BRIP1: variants seen among roughly 807,000 people sequenced by gnomAD.
BRIP1 encodes Fanconi anemia group J protein.
In BRIP1, 88 loss-of-function variants were observed where a neutral mutation model predicts 119.7. The ratio of observed to expected loss-of-function variants is 0.74; its 90% CI spans 0.62 to 0.88. The LOEUF is 0.88. Among genes scored for constraint, BRIP1 ranks in the 40% least tolerant of loss-of-function variants. The pLI is 0.00. For missense variants in BRIP1, 1,259 were observed against 1,455.4 expected (o/e 0.87, Z 2.20); for synonymous variants, 443 against 496.5 (o/e 0.89, Z 1.43).
chr17:61,685,444 A>G (rs2144103850), intron 19 of BRIP1: 1 of 203,538 alleles, frequency 4.9e-6, no homozygotes, highest in Non-Finnish European at 9.8e-6. Flanking sequence ...CCAAATTTTT[A>G]TATAGCCTTT....
rs2145786706 is a variant in BRIP1 at position 61,851,578 on chromosome 17, T to C, written c.380-2322A>G. On this transcript the variant is annotated intron_variant, in intron 4 of 19. Transcript: ENST00000259008. The surrounding 1 kb of genome is among the most constrained non-coding windows in gnomAD (Gnocchi z 4.6). ...TAAAAATATCAAGTTTCTGGATACA[T>C]GTGGGACCAAATTAGGGTTCTCTAT... Among the ~76,000 whole-genome samples the C allele has an allele frequency of 6.6e-6, 1 of 152,252 alleles. No homozygotes were observed.
In BRIP1 at chr17:61,683,074, T is replaced by G; in HGVS notation, c.*222A>C. ...TTGAACCTGGAGGTGAAGGTTGCAGTGAGCCCAGAGCACACCACTGCATTC... is the reference window on the plus strand; with the variant it reads ...TTGAACCTGGAGGTGAAGGTTGCAGGGAGCCCAGAGCACACCACTGCATTC... On this transcript the variant is annotated 3_prime_UTR_variant, in exon 20 of 20. Transcript: ENST00000259008. This position sits in a 1 kb window ranked among gnomAD's most constrained non-coding sequence, Gnocchi z 4.7. 1 of 495,616 alleles carries G rather than the reference T, an allele frequency of 2.0e-6. No individual in the cohort carries two copies. The highest frequency in any genetic ancestry group is 2.4e-5 in the South Asian group (1 of 40,994). 30.7% of individuals were successfully genotyped at this position (495,616 alleles called of 1,614,324 possible). A position where few individuals can be genotyped will look rare whatever the true frequency, so the allele number is the denominator to read the frequency against.
chr17:61,710,013 TA>T lies in BRIP1; in HGVS notation c.2492+5937del, dbSNP rs1445588970. The stretch of plus-strand genomic sequence containing the variant: ...AATATACATTATGAGTTTTATTAAA[TA>T]ACATAAAACATTTGCTTGGTCTTTA... On this transcript the variant is annotated intron_variant, in intron 17 of 19. Coordinates refer to ENST00000259008, the MANE Select transcript of BRIP1 (RefSeq NM_032043.3). This position sits in a 1 kb window ranked among gnomAD's most constrained non-coding sequence, Gnocchi z 5.4. Among the ~76,000 whole-genome samples, 2 of 152,168 alleles carry T rather than the reference TA, an allele frequency of 1.3e-5. No homozygotes were observed. Among genetic ancestry groups the T allele is most frequent in the African/African-American group, 4.8e-5 (2 of 41,452 alleles).
rs1567824994 is a variant in BRIP1, at chr17:61,793,600, C to A, written c.1470G>T (p.Leu490Phe). ...MGITTATFPI[L>F]QGHFSAVLQK... The stretch of plus-strand genomic sequence containing the variant: ...ACAGGTAGAAAAAATATCTTACCTG[C>A]AAAATGGGAAAAGTAGCAGTGGTGA... Residue 490 changes from leucine to phenylalanine, a missense_variant, in exon 10 of 20, where the codon TTG becomes TTT. Around this residue, in one of 3 missense-constraint regions of BRIP1, gnomAD observed 753 missense variants for 891.8 expected, o/e 0.84. Coordinates refer to ENST00000259008, the MANE Select transcript of BRIP1 (RefSeq NM_032043.3). This position sits in a 1 kb window ranked among gnomAD's most constrained non-coding sequence, Gnocchi z 5.2. 6.2e-7 allele frequency: 1 copy of A among 1,604,030 alleles called. No homozygotes were observed.
At chr17:61,727,070 T>A (rs1488609479) in intron 16 of BRIP1, among the ~76,000 whole-genome samples, 2 of 152,170 alleles carry the variant, frequency 1.3e-5, no homozygotes, top group African/African-American at 4.8e-5. Flanking sequence ...TAAGAGGATT[T>A]AATAAGGGGA....
chr17:61,816,094 A>G lies in BRIP1; in HGVS notation c.628-7337T>C, dbSNP rs537842496. ...AGCAGCTGTTTATCCACTCACAGCA[A>G]CCAGCAGGTGAACCTGATTCAATAT... is the stretch of plus-strand genomic sequence containing the variant. On this transcript the variant is annotated intron_variant, in intron 6 of 19. Coordinates refer to ENST00000259008, the MANE Select transcript of BRIP1 (RefSeq NM_032043.3). The surrounding 1 kb of genome is among the most constrained non-coding windows in gnomAD (Gnocchi z 5.0). 2.1e-3 allele frequency among the ~76,000 whole-genome samples: 318 copies of G among 152,350 alleles called. 3 individuals carry two copies. The highest frequency in any genetic ancestry group is 7.4e-3 in the African/African-American group (309 of 41,588).
At chr17:61,698,684 ATATT>A (rs2061563844) in intron 17 of BRIP1, among the ~76,000 whole-genome samples, 1 of 151,694 alleles carries the variant, frequency 6.6e-6, no homozygotes, top group Non-Finnish European at 1.5e-5. Flanking sequence ...TTATAATTGC[ATATT>A]TAGACTTGTT....
In BRIP1 at chr17:61,798,696, T is replaced by A. The variant is rs1223025524; in HGVS notation, c.1340+404A>T. Among the ~76,000 whole-genome samples, 1 of 152,034 alleles carries A rather than the reference T, an allele frequency of 6.6e-6. No homozygotes were observed. The highest frequency in any genetic ancestry group is 1.5e-5 in the Non-Finnish European group (1 of 67,950). The stretch of plus-strand genomic sequence containing the variant: ...AATATATTATTTTAGAGTACTGAAA[T>A]CTTGATTAATTAAAACCCATGAAAC... On this transcript the variant is annotated intron_variant, in intron 9 of 19. Transcript: ENST00000259008. The surrounding 1 kb of genome is among the most constrained non-coding windows in gnomAD (Gnocchi z 5.5).
At position 61,856,996 on chromosome 17, in the gene BRIP1, T is replaced by G; in HGVS notation, c.379+62A>C. On this transcript the variant is annotated intron_variant, in intron 4 of 19. Transcript: ENST00000259008. This position sits in a 1 kb window ranked among gnomAD's most constrained non-coding sequence, Gnocchi z 5.1. ...CCAAACTTATATAAATTAGGGCTTA[T>G]AACAGTAATAATTAAGACTCTTATT... The G allele has an allele frequency of 6.7e-7, 1 of 1,486,970 alleles. No homozygotes were observed. Among genetic ancestry groups the G allele is most frequent in the Non-Finnish European group, 9.4e-7 (1 of 1,064,810 alleles). 92.1% of individuals were successfully genotyped at this position (1,486,970 alleles called of 1,614,324 possible). A position where few individuals can be genotyped will look rare whatever the true frequency, so the allele number is the denominator to read the frequency against.
chr17:61,790,862 A>G (rs1320906241), intron 10 of BRIP1, among the ~76,000 whole-genome samples: 2 of 151,948 alleles, frequency 1.3e-5, no homozygotes, highest in Non-Finnish European at 2.9e-5. Context: ...CCTGGGCTCA[A>G]GCAATCCGCC....
rs1323113132 is a variant in BRIP1 at position 61,795,930 on chromosome 17, T to C, written c.1341-2201A>G. 6.6e-5 allele frequency among the ~76,000 whole-genome samples: 10 copies of C among 152,264 alleles called. No homozygotes were observed. The East Asian group carries it at 1.9e-3, about 29-fold the overall frequency. The stretch of plus-strand genomic sequence containing the variant: ...TTGCCAGCATTTGTTATTGCCTGTC[T>C]TTTGCATAAAAGTCATTTTAACTGG... On this transcript the variant is annotated intron_variant, in intron 9 of 19. Coordinates refer to ENST00000259008, the MANE Select transcript of BRIP1 (RefSeq NM_032043.3). The surrounding 1 kb of genome is among the most constrained non-coding windows in gnomAD (Gnocchi z 5.6).
chr17:61,714,566 T>C (rs1009375866), intron 17 of BRIP1, among the ~76,000 whole-genome samples: 11 of 152,192 alleles, frequency 7.2e-5, no homozygotes, highest in Non-Finnish European at 1.2e-4. Flanking sequence ...AAGTACATTT[T>C]ATAATGTTCC....
rs2145022481 is a variant in BRIP1 at position 61,776,315 on chromosome 17, A to T, written c.2097+86T>A. On this transcript the variant is annotated intron_variant, in intron 14 of 19. Coordinates refer to ENST00000259008, the MANE Select transcript of BRIP1 (RefSeq NM_032043.3). This position sits in a 1 kb window ranked among gnomAD's most constrained non-coding sequence, Gnocchi z 5.0. ...TTGTTGCCTCTACCCTAGGAAGCTT[A>T]CTGTGGTAATTTTAAAATTAGCATG... is the stretch of plus-strand genomic sequence containing the variant. 1 of 1,468,410 alleles carries T rather than the reference A, an allele frequency of 6.8e-7. No individual in the cohort carries two copies. Among genetic ancestry groups the T allele is most frequent in the Non-Finnish European group, 9.5e-7 (1 of 1,049,934 alleles). 91.0% of individuals were successfully genotyped at this position (1,468,410 alleles called of 1,614,324 possible).
At position 61,842,559 on chromosome 17, in the gene BRIP1, T is replaced by A. The variant is rs2078672773; in HGVS notation, c.627+4542A>T. The stretch of plus-strand genomic sequence containing the variant: ...ATGAAAATTATCACACTGAATCCCA[T>A]AAGTATGTATAATTATTATGTGTCA... On this transcript the variant is annotated intron_variant, in intron 6 of 19. Coordinates refer to ENST00000259008, the MANE Select transcript of BRIP1 (RefSeq NM_032043.3). The surrounding 1 kb of genome is among the most constrained non-coding windows in gnomAD (Gnocchi z 5.1). Among the ~76,000 whole-genome samples the A allele has an allele frequency of 6.6e-6, 1 of 152,146 alleles. No homozygotes were observed. Among genetic ancestry groups the A allele is most frequent in the Non-Finnish European group, 1.5e-5 (1 of 68,032 alleles).
intron 6 of BRIP1, among the ~76,000 whole-genome samples, chr17:61,811,405 T>G (rs376908662): frequency 6.6e-6 from 1 of 151,648 alleles, no homozygotes; most frequent in South Asian, 2.1e-4. Context: ...GTGTTTTTAT[T>G]AGAGATGGGG....
At chr17:61,820,101 A>ATT (rs1315068595) in intron 6 of BRIP1, among the ~76,000 whole-genome samples, 1 of 152,086 alleles carries the variant, frequency 6.6e-6, no homozygotes, top group Non-Finnish European at 1.5e-5. Context: ...GGGGGAAATT[A>ATT]TTCAACTAAT....
At chr17:61,835,576 T>C (rs944084586) in intron 6 of BRIP1, among the ~76,000 whole-genome samples, 2 of 151,862 alleles carry the variant, frequency 1.3e-5, no homozygotes. Flanking sequence ...GGATAAATAA[T>C]TGAAAATTAT....
Position 61,851,778 on chromosome 17 carries a change from G to C in BRIP1, c.380-2522C>G, listed in dbSNP as rs1038738971. On this transcript the variant is annotated intron_variant, in intron 4 of 19. Transcript: ENST00000259008. This position sits in a 1 kb window ranked among gnomAD's most constrained non-coding sequence, Gnocchi z 4.6. Reference sequence around the variant, plus strand: ...TTCCATATATATTTTAGATAAGATAGGTAATTTTGAGCTCTGCATGTCCAG... The same window carrying C: ...TTCCATATATATTTTAGATAAGATACGTAATTTTGAGCTCTGCATGTCCAG... Among the ~76,000 whole-genome samples, 1 of 152,082 alleles carries C rather than the reference G, an allele frequency of 6.6e-6. No homozygotes were observed. The highest frequency in any genetic ancestry group is 1.5e-5 in the Non-Finnish European group (1 of 68,030).
rs2077904862 is a variant in BRIP1 at position 61,796,675 on chromosome 17, A to G, written c.1340+2425T>C. ...GGGAAGGTTTTAAATACAGAGTTTT[A>G]AATAAAAGACAGACTATCTATTTTA... On this transcript the variant is annotated intron_variant, in intron 9 of 19. Transcript: ENST00000259008. The surrounding 1 kb of genome is among the most constrained non-coding windows in gnomAD (Gnocchi z 4.8). Among the ~76,000 whole-genome samples the G allele has an allele frequency of 6.6e-6, 1 of 152,024 alleles. No homozygotes were observed. Among genetic ancestry groups the G allele is most frequent in the Non-Finnish European group, 1.5e-5 (1 of 67,960 alleles).
Sources: gnomAD v4.1 joint callset for allele counts (sites outside exome capture counted in the v4.1 genomes callset) on GRCh38, gnomAD v4.1.1 for gene constraint, gnomAD v4.1.1 regional missense constraint, Gnocchi (gnomAD v3.1) non-coding constraint, MANE v1.5 for transcripts, NCBI Gene and HGNC (gene_info 2026-07-23, HGNC 2026-07-21) for gene names.